MDN1: variants seen among roughly 807,000 people sequenced by gnomAD.
MDN1 encodes the protein midasin AAA ATPase 1.
In MDN1, 266 loss-of-function variants were observed where a neutral mutation model predicts 669.2. The observed-to-expected ratio is 0.40, with a 90% CI of 0.36 to 0.44. The LOEUF (loss-of-function observed/expected upper bound fraction) is 0.44. Among genes scored for constraint, MDN1 ranks in the 20% least tolerant of loss-of-function variants. The probability of loss-of-function intolerance (pLI) is 1.00; values close to 1 mark genes in which losing one functional copy is unlikely to be tolerated. For missense variants in MDN1, 5,940 were observed against 6,754.0 expected, an observed-to-expected ratio of 0.88 and a Z score of 4.22; for synonymous variants, 2,385 against 2,457.1, an observed-to-expected ratio of 0.97 and a Z score of 0.87.
At position 89,662,252 on chromosome 6, in the gene MDN1, G is replaced by C. The variant is rs1397075172; in HGVS notation, c.14413-13C>G. ...GTTCAGAATCTTCCTAAATGTCAGAGGAAGAAAAAACAATCATCACACTCA... is the reference window on the plus strand; with the variant it reads ...GTTCAGAATCTTCCTAAATGTCAGACGAAGAAAAAACAATCATCACACTCA... On this transcript the variant is annotated splice_polypyrimidine_tract_variant and intron_variant, in intron 86 of 101. Coordinates refer to ENST00000369393, the MANE Select transcript of MDN1 (RefSeq NM_014611.3). The C allele has an allele frequency of 6.3e-7, 1 of 1,599,124 alleles. No individual in the cohort carries two copies. The highest frequency in any genetic ancestry group is 1.4e-5 in the African/African-American group (1 of 73,728).
chr6:89,688,821 C>T lies in MDN1; in HGVS notation c.11024-13G>A. 6.2e-7 allele frequency: 1 copy of T among 1,605,820 alleles called. No homozygotes were observed. The highest frequency in any genetic ancestry group is 8.5e-7 in the Non-Finnish European group (1 of 1,172,812). ...TTCAGTTCAACTCCTGTGAAGTTAA[C>T]ATCACGGTAAAGTCAGTGAATTCAG... On this transcript the variant is annotated splice_polypyrimidine_tract_variant and intron_variant, in intron 65 of 101. Coordinates refer to ENST00000369393, the MANE Select transcript of MDN1 (RefSeq NM_014611.3).
rs767518555 is a variant in MDN1 at position 89,718,490 on chromosome 6, T to C, written c.6459A>G (p.Thr2153=). 8.1e-6 allele frequency: 13 copies of C among 1,614,194 alleles called. No individual in the cohort carries two copies. The highest frequency in any genetic ancestry group is 1.7e-5 in the Admixed American group (1 of 60,018). The change falls in exon 43 of 102, where the codon ACA becomes ACG. Residue 2153 remains threonine, a synonymous_variant. Coordinates refer to ENST00000369393, the MANE Select transcript of MDN1 (RefSeq NM_014611.3). ...CTTCTCCAAGACACTTAGGCTTATA[T>C]GTCAGAAGAAAATGACTCCAGGCTC... is the stretch of plus-strand genomic sequence containing the variant. ...VLRAWSHFLL[T]YKPKCLGEGG...
chr6:89,714,669 C>T lies in MDN1; in HGVS notation c.6943G>A (p.Glu2315Lys). The T allele has an allele frequency of 1.2e-6, 2 of 1,614,120 alleles. No homozygotes were observed. Among genetic ancestry groups the T allele is most frequent in the Non-Finnish European group, 8.5e-7 (1 of 1,179,988 alleles). ...TTGTCTGGGGTGCTTGCATCCCCTT[C>T]CCCTGAAATGTAGATTTCAAGTCCA... ...NRGLEIYISG[E>K]GDASTPDNLD... The change falls in exon 46 of 102, where the codon GAA (glutamate) becomes AAA (lysine). Residue 2315 changes from glutamate (E) to lysine (K), a missense_variant. Transcript: ENST00000369393.
rs368324167 is a variant in MDN1, at chr6:89,725,364, T to C, written c.5505A>G (p.Gly1835=). 15 of 1,613,706 alleles carry C rather than the reference T, an allele frequency of 9.3e-6. No homozygotes were observed. Among genetic ancestry groups the C allele is most frequent in the Admixed American group, 8.3e-5 (5 of 59,980 alleles). ...LNLASQSVLE[G]LNACFDHRGE... Reference sequence around the variant, plus strand: ...CTCGGTGGTCAAAACAAGCATTGAGTCCTTCCAATACAGACTGAGAAGCCA... The same window carrying C: ...CTCGGTGGTCAAAACAAGCATTGAGCCCTTCCAATACAGACTGAGAAGCCA... The change falls in exon 38 of 102, where the codon GGA becomes GGG. Residue 1835 remains glycine (G), a synonymous_variant. Transcript: ENST00000369393.
intron 34 of MDN1, 46 bp from the exon 35 acceptor site, chr6:89,730,969 G>C: frequency 6.5e-7 from 1 of 1,532,858 alleles, no homozygotes; most frequent in Non-Finnish European, 8.9e-7. Context: ...ACAACACCAA[G>C]CTTCACCACC....
rs767861494 is a variant in MDN1 at position 89,771,612 on chromosome 6, A to C, written c.2093T>G (p.Leu698Trp). The C allele has an allele frequency of 6.2e-7, 1 of 1,613,928 alleles. No homozygotes were observed. The highest frequency in any genetic ancestry group is 1.7e-5 in the Admixed American group (1 of 59,990). The stretch of plus-strand genomic sequence containing the variant: ...TTGTTGATTCATATTGACAACCCTC[A>C]AACGGTGGCCTTTTATAAAGAAAGT... ...QYLAHITGHR[L>W]RVVNMNQQSD... The change falls in exon 15 of 102, where the codon TTG becomes TGG. Residue 698 changes from leucine (L) to tryptophan (W), a missense_variant. Leu to Trp is a moderately conservative substitution (Grantham distance 61). Transcript: ENST00000369393.
Position 89,749,509 on chromosome 6 carries a change from AACAAATTGAAGGAAGGAGACAAATGCT to A in MDN1, c.3615+7_3615+33del, listed in dbSNP as rs1816842155. ...CGAAAAATCTACTATCTGATGTGTT[AACAAATTGAAGGAAGGAGACAAATGCT>A]ACATACCTTTCTGCCTCCATAAAGT... On this transcript the variant is annotated splice_region_variant and intron_variant, in intron 25 of 101. Coordinates refer to ENST00000369393, the MANE Select transcript of MDN1 (RefSeq NM_014611.3). 6.2e-7 allele frequency: 1 copy of A among 1,608,586 alleles called. No individual in the cohort carries two copies. Among genetic ancestry groups the A allele is most frequent in the African/African-American group, 1.3e-5 (1 of 74,812 alleles).
At chr6:89,652,838 T>C (rs774756484) in intron 94 of MDN1, among the ~76,000 whole-genome samples, 154 bp downstream of exon 94, 5 of 152,186 alleles carry the variant, frequency 3.3e-5, no homozygotes, top group Non-Finnish European at 7.3e-5. Flanking sequence ...ATCATACCAA[T>C]AGTATTCCTA....
chr6:89,735,665 T>C (rs969244534), intron 33 of MDN1, among the ~76,000 whole-genome samples: 4 of 152,126 alleles, frequency 2.6e-5, no homozygotes, highest in African/African-American at 9.7e-5. Context: ...ATTAAGATAA[T>C]ACAATAAATA....
chr6:89,663,593 AT>A (rs1346385323), intron 85 of MDN1, among the ~76,000 whole-genome samples: 1 of 152,208 alleles, frequency 6.6e-6, no homozygotes, highest in Non-Finnish European at 1.5e-5. Context: ...AAAAAATCAA[AT>A]TCTCAAATAA....
rs774134845 is a variant in MDN1 at position 89,655,796 on chromosome 6, T to C, written c.15458A>G (p.Gln5153Arg). 6.2e-7 allele frequency: 1 copy of C among 1,613,014 alleles called. No homozygotes were observed. Residue 5153 changes from glutamine to arginine, a missense_variant, in exon 92 of 102, where the codon CAA (glutamine) becomes CGA (arginine). By Grantham distance (43) the Gln-to-Arg change is conservative. Coordinates refer to ENST00000369393, the MANE Select transcript of MDN1 (RefSeq NM_014611.3). ...CTGTGCATCGTATGCGTCACTGCCT[T>C]GTTTAATGTGCTCGAATGCATCTGC... ...EDADAFEHIK[Q>R]GSDAYDAQTY...
intron 88 of MDN1, among the ~76,000 whole-genome samples, chr6:89,659,672 C>T (rs1401097697): frequency 6.6e-6 from 1 of 151,928 alleles, no homozygotes; most frequent in African/African-American, 2.4e-5. Context: ...AACAAAAAAA[C>T]ACAATAGGAA....
intron 2 of MDN1, among the ~76,000 whole-genome samples, chr6:89,798,234 C>A (rs1819718085): frequency 1.3e-5 from 2 of 150,820 alleles, no homozygotes; most frequent in South Asian, 4.2e-4. Flanking sequence ...GTGAAGTAGG[C>A]CAGGCGCAGT....
intron 31 of MDN1, among the ~76,000 whole-genome samples, chr6:89,741,443 T>TA (rs1397719728): frequency 6.6e-6 from 1 of 152,244 alleles, no homozygotes; most frequent in Admixed American, 6.5e-5. Flanking sequence ...GGGAGAAATT[T>TA]AGTTTACAGT....
intron 13 of MDN1, 92 bp from the exon 14 acceptor site, chr6:89,772,813 G>A (rs1818170468): frequency 7.1e-7 from 1 of 1,405,660 alleles, no homozygotes; most frequent in Non-Finnish European, 9.7e-7. Flanking sequence ...TCAACAACAA[G>A]GATGAGAAAA....
chr6:89,696,857 T>C (rs1209518281), intron 59 of MDN1, among the ~76,000 whole-genome samples: 1 of 152,082 alleles, frequency 6.6e-6, no homozygotes, highest in Non-Finnish European at 1.5e-5. Context: ...AGAAACACAC[T>C]GCAGGAGGAT....
chr6:89,643,947 G>A lies in MDN1; in HGVS notation c.*58C>T. 2 of 1,402,408 alleles carry A rather than the reference G, an allele frequency of 1.4e-6. No individual in the cohort carries two copies. The highest frequency in any genetic ancestry group is 1.9e-6 in the Non-Finnish European group (2 of 1,047,330). The allele number at this position is 1,402,408 out of a possible 1,614,324, so 86.9% of individuals were successfully genotyped here. The stretch of plus-strand genomic sequence containing the variant: ...TAGTTGTCCAAAAGGGAGCACCTGG[G>A]TAAGCAATGTGACCTTCTGACCACA... On this transcript the variant is annotated 3_prime_UTR_variant, in exon 102 of 102. Coordinates refer to ENST00000369393, the MANE Select transcript of MDN1 (RefSeq NM_014611.3).
chr6:89,801,198 C>T (rs1767633901), intron 2 of MDN1, among the ~76,000 whole-genome samples: 1 of 152,106 alleles, frequency 6.6e-6, no homozygotes. Context: ...GAATTCAAGA[C>T]CAGCCTGGCC....
At chr6:89,782,716 G>A (rs1321588534) in intron 9 of MDN1, among the ~76,000 whole-genome samples, 2 of 151,978 alleles carry the variant, frequency 1.3e-5, no homozygotes, top group East Asian at 3.9e-4. Context: ...TGAGGTGAGT[G>A]GATCACAAGG....
Sources: gnomAD v4.1 joint callset for allele counts (sites outside exome capture counted in the v4.1 genomes callset) on GRCh38, gnomAD v4.1.1 for gene constraint, MANE v1.5 for transcripts, NCBI Gene and HGNC (gene_info 2026-07-23, HGNC 2026-07-21) for gene names.